The following ASS1 variants were observed in gnomAD, a reference collection of about 807,000 sequenced individuals.
ASS1 encodes argininosuccinate synthase 1.
Under a neutral mutation model 60.5 loss-of-function variants are expected in ASS1, and 58 were observed. That is an observed-to-expected ratio of 0.96 (90% CI 0.78 to 1.19). ASS1 has a LOEUF of 1.19. Among genes scored for constraint, ASS1 ranks in the 50% most tolerant of loss-of-function variants. The probability of loss-of-function intolerance (pLI) is 0.00; values close to 1 mark genes in which losing one functional copy is unlikely to be tolerated. For synonymous variants in ASS1, 200 were observed against 206.9 expected, an observed-to-expected ratio of 0.97 and a Z score of 0.29; for missense variants, 454 against 547.3, an observed-to-expected ratio of 0.83 and a Z score of 1.70.
At chr9:130,451,190 C>G (rs1487146267) in intron 1 of ASS1, among the ~76,000 whole-genome samples, 1 of 152,162 alleles carries the variant, frequency 6.6e-6, no homozygotes, top group Non-Finnish European at 1.5e-5. Flanking sequence ...GGGGAAGAAG[C>G]ATGGCTGCAA....
chr9:130,499,593 G>T, intron 14 of ASS1, 23 bp downstream of exon 14: 1 of 1,607,984 alleles, frequency 6.2e-7, no homozygotes, highest in South Asian at 1.1e-5. Flanking sequence ...GGGCCCTGAC[G>T]GGCCTTCAGA....
In ASS1 at chr9:130,459,083, G is replaced by A. The variant is rs1424716599; in HGVS notation, c.363+494G>A. On this transcript the variant is annotated intron_variant, in intron 4 of 14. Transcript: ENST00000352480. This position sits in a 1 kb window ranked among gnomAD's most constrained non-coding sequence, Gnocchi z 4.6. ...ATGCCATGTCTTAGTTTCCCAGGGC[G>A]AGGGTAACAAAATGTCTCAAACTGG... Among the ~76,000 whole-genome samples the A allele has an allele frequency of 1.3e-5, 2 of 152,208 alleles. No homozygotes were observed. The highest frequency in any genetic ancestry group is 2.4e-5 in the African/African-American group (1 of 41,466).
Position 130,471,512 on chromosome 9 carries a change from C to G in ASS1, c.594C>G (p.Pro198=). 1 of 1,614,074 alleles carries G rather than the reference C, an allele frequency of 6.2e-7. No individual in the cohort carries two copies. The highest frequency in any genetic ancestry group is 8.5e-7 in the Non-Finnish European group (1 of 1,179,948). Residue 198 remains proline, a synonymous_variant, in exon 8 of 15, where the codon CCC becomes CCG. Transcript: ENST00000352480. ...ISYEAGILEN[P]KNQAPPGLYT... is the part of the protein sequence containing the mutation. ...ACGAGGCTGGAATCCTGGAGAACCC[C>G]AAGGTAATCCCCCAAACCCCATCTC...
At chr9:130,465,034 TTATATA>T (rs200387339) in intron 5 of ASS1, among the ~76,000 whole-genome samples, 2,462 of 139,248 alleles carry the variant, frequency 0.018, 57 homozygotes, top group African/African-American at 0.061. Flanking sequence ...TACATATGTT[TTATATA>T]TATATATATA....
chr9:130,461,351 G>A (rs1564905191), intron 4 of ASS1, among the ~76,000 whole-genome samples: 1 of 151,634 alleles, frequency 6.6e-6, no homozygotes, highest in East Asian at 2.0e-4. Flanking sequence ...CCACCAGAGG[G>A]CGCCAGAGGC....
chr9:130,465,084 C>T lies in ASS1; in HGVS notation c.420+917C>T, dbSNP rs1469202868. ...TTTTTTTTTTCTTTTTCTGGAGACT[C>T]GCTCTGTCACCCAGGCTGGAGTGCA... is the stretch of plus-strand genomic sequence containing the variant. On this transcript the variant is annotated intron_variant, in intron 5 of 14. Transcript: ENST00000352480. 6.4e-5 allele frequency among the ~76,000 whole-genome samples: 9 copies of T among 140,628 alleles called. No individual in the cohort carries two copies. The South Asian group carries it at 2.0e-3, about 31-fold the overall frequency. The allele number at this position is 140,628 out of a possible 152,430, so 92.3% of individuals were successfully genotyped here.
At chr9:130,480,002 TAAC>T in intron 10 of ASS1, 4 of 737,274 alleles carry the variant, frequency 5.4e-6, no homozygotes, top group Admixed American at 4.0e-5. Context: ...CCTTGGAAGA[TAAC>T]AACCCCAGGA....
At chr9:130,464,665 G>C (rs887458904) in intron 5 of ASS1, among the ~76,000 whole-genome samples, 2 of 152,104 alleles carry the variant, frequency 1.3e-5, no homozygotes, top group Non-Finnish European at 2.9e-5. Flanking sequence ...TCCTGGGGTG[G>C]GAATCACCAG....
chr9:130,490,476 G>T (rs1846423814), intron 12 of ASS1, among the ~76,000 whole-genome samples: 3 of 152,002 alleles, frequency 2.0e-5, no homozygotes, highest in Admixed American at 2.0e-4. Context: ...ACCATGCCTG[G>T]CTAGTTTTTG....
intron 5 of ASS1, 28 bp from the exon 6 acceptor site, chr9:130,466,697 C>G (rs76169404): frequency 1.2e-6 from 2 of 1,610,462 alleles, no homozygotes; most frequent in Non-Finnish European, 1.7e-6. Context: ...TCGGCCCTCC[C>G]GGCTCTGACC....
chr9:130,498,563 G>A (rs1382678538), intron 13 of ASS1, among the ~76,000 whole-genome samples: 1 of 152,234 alleles, frequency 6.6e-6, no homozygotes. Flanking sequence ...ATAAATGCCT[G>A]AACAAATGAA....
intron 12 of ASS1, among the ~76,000 whole-genome samples, chr9:130,492,543 T>C (rs1378878754): frequency 6.6e-6 from 1 of 152,188 alleles, no homozygotes; most frequent in Non-Finnish European, 1.5e-5. Context: ...CTGGTCTGGC[T>C]GTGTGAGCTT....
At chr9:130,455,130 A>G (rs1845419410) in intron 3 of ASS1, among the ~76,000 whole-genome samples, 1 of 148,606 alleles carries the variant, frequency 6.7e-6, no homozygotes, top group South Asian at 2.2e-4. Context: ...CCATTTATTC[A>G]TCCATCATCC....
At position 130,459,720 on chromosome 9, in the gene ASS1, C is replaced by T. The variant is rs539361944; in HGVS notation, c.363+1131C>T. ...AAAGCACTGGGATTACAGGCGTGGG[C>T]CACCATGCCCAGCCTTAACTTGGTT... is the stretch of plus-strand genomic sequence containing the variant. On this transcript the variant is annotated intron_variant, in intron 4 of 14. Coordinates refer to ENST00000352480, the MANE Select transcript of ASS1 (RefSeq NM_054012.4). The surrounding 1 kb of genome is among the most constrained non-coding windows in gnomAD (Gnocchi z 4.6). 6.6e-6 allele frequency among the ~76,000 whole-genome samples: 1 copy of T among 152,234 alleles called. No individual in the cohort carries two copies. Among genetic ancestry groups the T allele is most frequent in the South Asian group, 2.1e-4 (1 of 4,830 alleles).
At chr9:130,499,165 C>T (rs1263721973) in intron 13 of ASS1, among the ~76,000 whole-genome samples, 1 of 152,182 alleles carries the variant, frequency 6.6e-6, no homozygotes. Context: ...CTGGCTTGGA[C>T]GAGTTACCCA....
chr9:130,482,773 C>T (rs535597359), intron 11 of ASS1, among the ~76,000 whole-genome samples: 6 of 152,358 alleles, frequency 3.9e-5, no homozygotes, highest in South Asian at 4.1e-4. Flanking sequence ...TTCCAATCCC[C>T]GTGGCTCCTT....
rs768394647 is a variant in ASS1 at position 130,489,390 on chromosome 9, C to A, written c.896C>A (p.Ala299Asp). 9.9e-6 allele frequency: 16 copies of A among 1,613,964 alleles called. No individual in the cohort carries two copies. Among genetic ancestry groups the A allele is most frequent in the African/African-American group, 4.0e-5 (3 of 74,878 alleles). ...TACCATGCTCATTTAGACATCGAGG[C>A]CTTCACCATGGACCGGGAAGTGCGC... is the stretch of plus-strand genomic sequence containing the variant. The part of the protein sequence containing the change: ...ILYHAHLDIE[A>D]FTMDREVRKI... Residue 299 changes from alanine to aspartate, a missense_variant, in exon 12 of 15, where the codon GCC becomes GAC. Physicochemically the swap from Ala to Asp is moderately radical, Grantham distance 126. Coordinates refer to ENST00000352480, the MANE Select transcript of ASS1 (RefSeq NM_054012.4). The surrounding 1 kb of genome is among the most constrained non-coding windows in gnomAD (Gnocchi z 4.1).
intron 13 of ASS1, among the ~76,000 whole-genome samples, chr9:130,497,231 A>G (rs1846627819): frequency 1.3e-5 from 2 of 152,230 alleles, no homozygotes; most frequent in Admixed American, 1.3e-4. Flanking sequence ...GAAAGGGGAA[A>G]AAAGAGAGAA....
chr9:130,466,578 C>T, intron 5 of ASS1, 147 bp from the exon 6 acceptor site: 2 of 758,000 alleles, frequency 2.6e-6, no homozygotes, highest in East Asian at 2.7e-5. Context: ...CATGGGGCTC[C>T]CTCTCACCCT....
Sources: allele counts gnomAD v4.1 joint callset (sites outside exome capture counted in the v4.1 genomes callset), GRCh38; gene constraint gnomAD v4.1.1; non-coding constraint Gnocchi (gnomAD v3.1); transcripts MANE v1.5; gene names NCBI Gene and HGNC (gene_info 2026-07-23, HGNC 2026-07-21).